Variants in SLC7A6 observed in about 807,000 individuals in gnomAD.
SLC7A6 encodes the protein solute carrier family 7 member 6.
A neutral mutation model predicts 46.6 loss-of-function variants in SLC7A6; 29 were observed. The ratio of observed to expected loss-of-function variants is 0.62; its 90% CI spans 0.46 to 0.85. The LOEUF (loss-of-function observed/expected upper bound fraction) is 0.85, where lower values mean the gene tolerates loss of function less well. Among genes scored for constraint, SLC7A6 ranks in the 40% least tolerant of loss-of-function variants. SLC7A6 has a pLI of 0.00. For missense variants in SLC7A6, 527 were observed against 647.6 expected, an observed-to-expected ratio of 0.81 and a Z score of 2.02; for synonymous variants, 276 against 257.3, an observed-to-expected ratio of 1.07 and a Z score of -0.70.
intron 2 of SLC7A6, 23 bp downstream of exon 2, chr16:68,266,744 T>G (rs1307397804): frequency 6.6e-6 from 1 of 152,152 alleles, no homozygotes; most frequent in Non-Finnish European, 1.5e-5. Flanking sequence ...GCGCTGTCTT[T>G]TCTTTTGTTT....
chr16:68,269,181 G>T (rs937535543), intron 2 of SLC7A6, among the ~76,000 whole-genome samples: 2 of 152,096 alleles, frequency 1.3e-5, no homozygotes, highest in Non-Finnish European at 2.9e-5. Flanking sequence ...TTTTTCAGTA[G>T]AACCTTAAAT....
chr16:68,294,979 A>C (rs1487452444), intron 8 of SLC7A6, 178 bp downstream of exon 8: 1 of 542,180 alleles, frequency 1.8e-6, no homozygotes, highest in Admixed American at 3.6e-5. Flanking sequence ...ATTTTGGATT[A>C]ATCTGGAATT....
chr16:68,267,127 G>A (rs2042546806), intron 2 of SLC7A6, among the ~76,000 whole-genome samples: 1 of 151,242 alleles, frequency 6.6e-6, no homozygotes, highest in Admixed American at 6.6e-5. Flanking sequence ...TAGAGACGGG[G>A]CTTTACCATG....
At chr16:68,282,364 T>G (rs1007428504) in intron 3 of SLC7A6, among the ~76,000 whole-genome samples, 5 of 151,608 alleles carry the variant, frequency 3.3e-5, no homozygotes, top group African/African-American at 1.2e-4. Context: ...AGCCCAGGAG[T>G]TCATGACCAG....
At chr16:68,284,493 A>G in intron 3 of SLC7A6, 1 of 231,990 alleles carries the variant, frequency 4.3e-6, no homozygotes, top group Non-Finnish European at 7.1e-6. Flanking sequence ...TGGACTCTGC[A>G]GGCATTTCCA....
chr16:68,273,756 C>A (rs2042660866), intron 2 of SLC7A6: 1 of 148,996 alleles, frequency 6.7e-6, no homozygotes, highest in Non-Finnish European at 1.5e-5. Context: ...GTTGCAGACA[C>A]AGTGATACCC....
At chr16:68,272,461 G>GAA (rs1010372077) in intron 2 of SLC7A6, among the ~76,000 whole-genome samples, 3 of 152,066 alleles carry the variant, frequency 2.0e-5, no homozygotes, top group Non-Finnish European at 4.4e-5. Flanking sequence ...GACTGAAAGA[G>GAA]AAAAAAGTCT....
intron 4 of SLC7A6, among the ~76,000 whole-genome samples, chr16:68,289,910 C>T (rs2043013498): frequency 6.6e-6 from 1 of 152,138 alleles, no homozygotes; most frequent in African/African-American, 2.4e-5. Flanking sequence ...GTAGTCTGGT[C>T]CAAGAGAGGT....
At chr16:68,283,920 T>C (rs2042876496) in intron 3 of SLC7A6, among the ~76,000 whole-genome samples, 1 of 152,112 alleles carries the variant, frequency 6.6e-6, no homozygotes, top group Non-Finnish European at 1.5e-5. Context: ...TGGGAAGCAA[T>C]AGAGGAGTAA....
rs2043202744 is a variant in SLC7A6, at chr16:68,297,881, T to C, written c.*553T>C. On this transcript the variant is annotated 3_prime_UTR_variant, in exon 11 of 11. Coordinates refer to ENST00000219343, the MANE Select transcript of SLC7A6 (RefSeq NM_003983.6). The stretch of plus-strand genomic sequence containing the variant: ...CTAACGAAGCATGCGTGTCTCTTCA[T>C]CTACAGGATGCAATAGGCTGATTGT... 6.5e-6 allele frequency: 1 copy of C among 152,852 alleles called. No homozygotes were observed. Among genetic ancestry groups the C allele is most frequent in the Admixed American group, 6.5e-5 (1 of 15,306 alleles). 9.5% of individuals were successfully genotyped at this position (152,852 alleles called of 1,614,324 possible).
intron 7 of SLC7A6, chr16:68,291,972 A>G (rs1235460106): frequency 3.4e-6 from 1 of 293,550 alleles, no homozygotes; most frequent in South Asian, 5.2e-5. Context: ...GCTCATGTTT[A>G]TGTGCTGGTA....
At position 68,287,859 on chromosome 16, in the gene SLC7A6, A is replaced by G; in HGVS notation, c.637A>G (p.Lys213Glu). ...TGCCATCATTGTCATGGGCCTTGTT[A>G]AACTGTGCCAGGGTAAGTGGTGGGA... The part of the protein sequence containing the change: ...LIAIIVMGLV[K>E]LCQGHSEHFQ... The change falls in exon 4 of 11, where the codon AAA becomes GAA. Residue 213 changes from lysine to glutamate, a missense_variant. Coordinates refer to ENST00000219343, the MANE Select transcript of SLC7A6 (RefSeq NM_003983.6). 3 of 1,614,096 alleles carry G rather than the reference A, an allele frequency of 1.9e-6. No individual in the cohort carries two copies. The highest frequency in any genetic ancestry group is 2.5e-6 in the Non-Finnish European group (3 of 1,179,980).
intron 5 of SLC7A6, chr16:68,290,894 T>C: frequency 2.1e-6 from 1 of 474,794 alleles, no homozygotes. Context: ...GTCCCCAGCC[T>C]GGCATCCAGT....
In SLC7A6 at chr16:68,298,602, G is replaced by A. The variant is rs573500754; in HGVS notation, c.*1274G>A. The A allele has an allele frequency of 6.6e-6, 1 of 152,398 alleles. No individual in the cohort carries two copies. Among genetic ancestry groups the A allele is most frequent in the African/African-American group, 2.4e-5 (1 of 41,574 alleles). 9.4% of individuals were successfully genotyped at this position (152,398 alleles called of 1,614,324 possible). On this transcript the variant is annotated 3_prime_UTR_variant, in exon 11 of 11. Transcript: ENST00000219343. ...GTGGCTGCAGTCTCAGGAAGAGCTT[G>A]GTACTTGTGGGGACTTCTGTTTTCT...
Position 68,301,204 on chromosome 16 carries a change from G to C in SLC7A6, c.*3876G>C. Reference sequence around the variant, plus strand: ...AGCTAGGAAACCTAACAGGATGTCAGCAGGGCAGTTAACTCTGGACTCAGA... The same window carrying C: ...AGCTAGGAAACCTAACAGGATGTCACCAGGGCAGTTAACTCTGGACTCAGA... On this transcript the variant is annotated 3_prime_UTR_variant, in exon 11 of 11. Coordinates refer to ENST00000219343, the MANE Select transcript of SLC7A6 (RefSeq NM_003983.6). 1 of 1,556,778 alleles carries C rather than the reference G, an allele frequency of 6.4e-7. No individual in the cohort carries two copies. The highest frequency in any genetic ancestry group is 8.7e-7 in the Non-Finnish European group (1 of 1,146,582).
intron 7 of SLC7A6, among the ~76,000 whole-genome samples, chr16:68,293,186 C>T (rs11644360): frequency 0.43 from 65,228 of 152,032 alleles, 17,212 homozygotes; most frequent in East Asian, 0.81. Flanking sequence ...GAGGCTTAGG[C>T]GAGAAGATTA....
Position 68,299,892 on chromosome 16 carries a change from A to G in SLC7A6, c.*2564A>G, listed in dbSNP as rs2043239342. 1 of 152,222 alleles carries G rather than the reference A, an allele frequency of 6.6e-6. No individual in the cohort carries two copies. Among genetic ancestry groups the G allele is most frequent in the Non-Finnish European group, 1.5e-5 (1 of 68,040 alleles). The allele number at this position is 152,222 out of a possible 1,614,324, so 9.4% of individuals were successfully genotyped here. ...AGAATTTAATCACTTCGGCAGGTTG[A>G]ACAACTCCATGTAGATAAGAGCAAG... On this transcript the variant is annotated 3_prime_UTR_variant, in exon 11 of 11. Coordinates refer to ENST00000219343, the MANE Select transcript of SLC7A6 (RefSeq NM_003983.6).
Position 68,299,479 on chromosome 16 carries a change from A to C in SLC7A6, c.*2151A>C, listed in dbSNP as rs2043231754. On this transcript the variant is annotated 3_prime_UTR_variant, in exon 11 of 11. Transcript: ENST00000219343. ...ATCCTCTCTTTGGGAGCGAAGCCAG[A>C]GGATCCCTACAGCACTCAAGCTTCA... is the stretch of plus-strand genomic sequence containing the variant. 6.6e-6 allele frequency: 1 copy of C among 152,660 alleles called. No individual in the cohort carries two copies. The highest frequency in any genetic ancestry group is 6.5e-5 in the Admixed American group (1 of 15,286). 9.5% of individuals were successfully genotyped at this position (152,660 alleles called of 1,614,324 possible). A position where few individuals can be genotyped will look rare whatever the true frequency, so the allele number is the denominator to read the frequency against.
At chr16:68,291,084 C>A in intron 5 of SLC7A6, 125 bp from the exon 6 acceptor site, 2 of 1,232,386 alleles carry the variant, frequency 1.6e-6, no homozygotes, top group Non-Finnish European at 2.4e-6. Flanking sequence ...GGAAGGTGAG[C>A]CTCCCTCAAA....
Sources: allele counts gnomAD v4.1 joint callset (sites outside exome capture counted in the v4.1 genomes callset), GRCh38; gene constraint gnomAD v4.1.1; transcripts MANE v1.5; gene names NCBI Gene and HGNC (gene_info 2026-07-23, HGNC 2026-07-21).